The following CEP63 variants were observed in gnomAD, a reference collection of about 807,000 sequenced individuals.
The protein encoded by CEP63 is centrosomal protein 63.
A neutral mutation model predicts 89.1 loss-of-function variants in CEP63; 84 were observed. The ratio of observed to expected loss-of-function variants is 0.94; its 90% confidence interval spans 0.79 to 1.13. The LOEUF is 1.13. Ranked by LOEUF, CEP63 falls within the 50% of genes most tolerant of loss-of-function variation. CEP63 has a pLI of 0.00. For missense variants in CEP63, 838 were observed against 813.3 expected (o/e 1.03, Z -0.37); for synonymous variants, 267 against 272.5 (o/e 0.98, Z 0.20).
At chr3:134,776,894 G>T in the CEP63 span, among the ~76,000 whole-genome samples, 1 of 152,190 alleles carries the variant, frequency 6.6e-6, no homozygotes, top group Non-Finnish European at 1.5e-5. Flanking sequence ...ACTAGCAGGG[G>T]TTGGGAGAGA....
chr3:134,581,803 G>T (rs1958358649), intron 10 of CEP63, among the ~76,000 whole-genome samples: 1 of 145,478 alleles, frequency 6.9e-6, no homozygotes, highest in Middle Eastern at 3.6e-3. Context: ...AGCCTCCCGA[G>T]TAGCTGGGAC....
chr3:134,622,275 C>T, the CEP63 span, among the ~76,000 whole-genome samples: 1 of 152,286 alleles, frequency 6.6e-6, no homozygotes, highest in Non-Finnish European at 1.5e-5. Context: ...ATGTTCATTG[C>T]AGCACTATCC....
the CEP63 span, chr3:134,651,577 T>A: frequency 4.0e-6 from 4 of 991,246 alleles, no homozygotes; most frequent in Non-Finnish European, 3.6e-6. Context: ...GACAGCTCTC[T>A]CTCCCTAGGA....
At chr3:134,742,529 G>T in the CEP63 span, among the ~76,000 whole-genome samples, 4 of 152,214 alleles carry the variant, frequency 2.6e-5, no homozygotes, top group African/African-American at 9.6e-5. Flanking sequence ...GATCAACCCA[G>T]TTCTCCCTTC....
chr3:134,559,010 T>C, intron 13 of CEP63, 140 bp from the exon 14 acceptor site: 1 of 789,204 alleles, frequency 1.3e-6, no homozygotes, highest in South Asian at 1.8e-5. Flanking sequence ...AAGAAATCTC[T>C]TTCTGATCTG....
At chr3:134,535,343 C>G (rs1421853998) in intron 5 of CEP63, 2 of 152,198 alleles carry the variant, frequency 1.3e-5, no homozygotes, top group Non-Finnish European at 2.9e-5. Flanking sequence ...ATCCTACCTA[C>G]AGCTTTGTAG....
chr3:134,639,904 C>T, the CEP63 span: 13 of 132,634 alleles, frequency 9.8e-5, no homozygotes, highest in African/African-American at 2.9e-4. Context: ...GAGCTATGAT[C>T]GCACCTCTGC....
At chr3:134,503,564 A>G (rs983704377) in intron 2 of CEP63, among the ~76,000 whole-genome samples, 1 of 151,928 alleles carries the variant, frequency 6.6e-6, no homozygotes, top group Non-Finnish European at 1.5e-5. Flanking sequence ...TTCTTTGTTG[A>G]TTTTCTGTCT....
At chr3:134,750,550 C>G in the CEP63 span, among the ~76,000 whole-genome samples, 1 of 152,166 alleles carries the variant, frequency 6.6e-6, no homozygotes, top group Non-Finnish European at 1.5e-5. Flanking sequence ...TCAGTGCTAG[C>G]GTTTGTACAC....
intron 14 of CEP63, among the ~76,000 whole-genome samples, chr3:134,561,084 A>G (rs926273174): frequency 1.3e-5 from 2 of 152,246 alleles, no homozygotes; most frequent in African/African-American, 2.4e-5. Flanking sequence ...GGCATTAACT[A>G]TGGAAGCATA....
chr3:134,675,443 AG>A, the CEP63 span, among the ~76,000 whole-genome samples: 1 of 152,264 alleles, frequency 6.6e-6, no homozygotes, highest in Non-Finnish European at 1.5e-5. Context: ...AAGAAAACAT[AG>A]GTGTAAATCT....
At chr3:134,716,128 T>C in the CEP63 span, among the ~76,000 whole-genome samples, 1 of 152,202 alleles carries the variant, frequency 6.6e-6, no homozygotes, top group African/African-American at 2.4e-5. Context: ...TGGGTGGCAA[T>C]ACTCTCATTT....
chr3:134,699,406 C>A, the CEP63 span, among the ~76,000 whole-genome samples: 1 of 152,152 alleles, frequency 6.6e-6, no homozygotes, highest in Non-Finnish European at 1.5e-5. Context: ...AAAGAGAGTG[C>A]GCTATCCAAG....
chr3:134,601,293 A>G, the CEP63 span, among the ~76,000 whole-genome samples: 3 of 151,956 alleles, frequency 2.0e-5, no homozygotes, highest in Non-Finnish European at 1.5e-5. Flanking sequence ...CGGTGCTTTG[A>G]GGGGCGGGGC....
rs58922185 is a variant in CEP63 at position 134,529,868 on chromosome 3, A to ATTT, written c.223-1955_223-1953dup. On this transcript the variant is annotated intron_variant, in intron 3 of 14. Transcript: ENST00000675561. The stretch of plus-strand genomic sequence containing the variant: ...GTGTTTACCAAGTCAAGGTTAAGAA[A>ATTT]TTTTTTTTTTTTTTTTTTTTTTTTA... Among the ~76,000 whole-genome samples, 191 of 103,094 alleles carry ATTT rather than the reference A, an allele frequency of 1.9e-3. 1 individual carries two copies. The highest frequency in any genetic ancestry group is 8.3e-3 in the Middle Eastern group (1 of 120). The allele number at this position is 103,094 out of a possible 152,430, so 67.6% of individuals were successfully genotyped here.
chr3:134,486,086 GGA>G lies in CEP63; in HGVS notation c.-139_-138del. The G allele has an allele frequency of 4.1e-6, 4 of 985,488 alleles. No individual in the cohort carries two copies. Among genetic ancestry groups the G allele is most frequent in the Non-Finnish European group, 4.8e-6 (4 of 830,050 alleles). 61.0% of individuals were successfully genotyped at this position (985,488 alleles called of 1,614,324 possible). On this transcript the variant is annotated 5_prime_UTR_variant, in exon 1 of 15. Coordinates refer to ENST00000675561, the MANE Select transcript of CEP63 (RefSeq NM_001353108.3). ...ATTTGCTCGCGTGCAGGGGAAGTCT[GGA>G]GAAGGCATTGTTTCAATTATTAAAA...
the CEP63 span, among the ~76,000 whole-genome samples, chr3:134,628,373 CA>C: frequency 6.6e-6 from 1 of 152,124 alleles, no homozygotes; most frequent in Admixed American, 6.5e-5. Flanking sequence ...ACTCCCTGGG[CA>C]AAAGGAAAGG....
intron 11 of CEP63, among the ~76,000 whole-genome samples, chr3:134,572,772 A>C (rs1216983992): frequency 1.3e-5 from 2 of 152,180 alleles, no homozygotes; most frequent in Non-Finnish European, 2.9e-5. Context: ...ATATATACCT[A>C]GTAATGGAAT....
At chr3:134,666,633 A>G in the CEP63 span, among the ~76,000 whole-genome samples, 1 of 152,132 alleles carries the variant, frequency 6.6e-6, no homozygotes, top group Non-Finnish European at 1.5e-5. Flanking sequence ...GAGGCCCTTC[A>G]TCAACCCCTG....
Sources: gnomAD v4.1 joint callset for allele counts (sites outside exome capture counted in the v4.1 genomes callset) on GRCh38, gnomAD v4.1.1 for gene constraint, MANE v1.5 for transcripts, NCBI Gene and HGNC (gene_info 2026-07-23, HGNC 2026-07-21) for gene names.